ADGRL3: variants seen among roughly 807,000 people sequenced by gnomAD.
ADGRL3 encodes the protein calcium-independent alpha-latrotoxin receptor 3.
In ADGRL3, 62 loss-of-function variants were observed where a neutral mutation model predicts 153.5. The observed-to-expected ratio is 0.40, with a 90% CI of 0.33 to 0.50. The LOEUF (loss-of-function observed/expected upper bound fraction) is 0.50, where lower values mean the gene tolerates loss of function less well. Ranked by LOEUF, ADGRL3 falls within the 20% of genes least tolerant of loss-of-function variation. The probability of loss-of-function intolerance (pLI) is 0.47; values close to 1 mark genes in which losing one functional copy is unlikely to be tolerated. For missense variants in ADGRL3, 1,641 were observed against 1,859.4 expected, an observed-to-expected ratio of 0.88 and a Z score of 2.16; for synonymous variants, 710 against 672.5, an observed-to-expected ratio of 1.06 and a Z score of -0.86.
intron 1 of ADGRL3, among the ~76,000 whole-genome samples, chr4:61,293,696 A>C (rs2094307423): frequency 6.6e-6 from 1 of 152,196 alleles, no homozygotes; most frequent in African/African-American, 2.4e-5. Flanking sequence ...AAAGCATAGA[A>C]TATTTGTAAA....
chr4:61,921,133 T>A (rs2149978348), intron 13 of ADGRL3, among the ~76,000 whole-genome samples: 1 of 152,118 alleles, frequency 6.6e-6, no homozygotes, highest in Non-Finnish European at 1.5e-5. Context: ...ATTAATCATT[T>A]TGTCTAAAAA....
intron 1 of ADGRL3, among the ~76,000 whole-genome samples, chr4:61,372,970 G>T (rs185175903): frequency 6.6e-6 from 1 of 152,154 alleles, no homozygotes. Flanking sequence ...CGCAGTATTC[G>T]GGTGGGAGTG....
At chr4:62,009,998 G>C (rs2099176895) in intron 21 of ADGRL3, among the ~76,000 whole-genome samples, 2 of 152,032 alleles carry the variant, frequency 1.3e-5, no homozygotes, top group South Asian at 4.2e-4. Flanking sequence ...AGATGCACAG[G>C]GCAAGGTATG....
chr4:61,234,183 G>A (rs1156831215), intron 1 of ADGRL3, among the ~76,000 whole-genome samples: 1 of 151,982 alleles, frequency 6.6e-6, no homozygotes, highest in African/African-American at 2.4e-5. Context: ...AACTGAGACT[G>A]GGAAGAAAAA....
chr4:61,463,897 G>A lies in ADGRL3; in HGVS notation c.-173-33224G>A, dbSNP rs557904336. 3.3e-5 allele frequency among the ~76,000 whole-genome samples: 5 copies of A among 152,196 alleles called. No individual in the cohort carries two copies. The South Asian group carries it at 1.0e-3, about 32-fold the overall frequency. On this transcript the variant is annotated intron_variant, in intron 2 of 26. Coordinates refer to ENST00000683033, the MANE Select transcript of ADGRL3 (RefSeq NM_001387552.1). ...GGAAGTAGCTGGTACATACTTGAAG[G>A]TGTGTTTGTGCATTTTGTGTATTTT...
intron 9 of ADGRL3, among the ~76,000 whole-genome samples, chr4:61,871,564 G>A (rs2098445724): frequency 6.6e-6 from 1 of 152,076 alleles, no homozygotes; most frequent in South Asian, 2.1e-4. Context: ...CTCTAGACCA[G>A]GAAAATCCAT....
chr4:61,287,641 A>G (rs2093991779), intron 1 of ADGRL3, among the ~76,000 whole-genome samples: 3 of 151,952 alleles, frequency 2.0e-5, no homozygotes, highest in Non-Finnish European at 4.4e-5. Context: ...GATAGAAAGG[A>G]GAAAAGCTGC....
At chr4:61,743,067 T>C (rs1561159967) in intron 8 of ADGRL3, among the ~76,000 whole-genome samples, 1 of 151,650 alleles carries the variant, frequency 6.6e-6, no homozygotes, top group Non-Finnish European at 1.5e-5. Flanking sequence ...ATGCCTGTAA[T>C]TCCAGCACTT....
At chr4:61,516,225 GCAC>G (rs1367251433) in intron 3 of ADGRL3, among the ~76,000 whole-genome samples, 1 of 151,892 alleles carries the variant, frequency 6.6e-6, no homozygotes, top group African/African-American at 2.4e-5. Flanking sequence ...AGAAATTATG[GCAC>G]CACTGTATAA....
In ADGRL3 at chr4:61,936,040, G is replaced by A. The variant is rs770571932; in HGVS notation, c.2414G>A (p.Arg805Gln). 3.7e-6 allele frequency: 6 copies of A among 1,610,324 alleles called. No homozygotes were observed. The highest frequency in any genetic ancestry group is 2.2e-5 in the South Asian group (2 of 90,264). The change falls in exon 15 of 27, where the codon CGA (arginine) becomes CAA (glutamine). Residue 805 changes from arginine to glutamine, a missense_variant. Transcript: ENST00000683033. ...GCAAATACCTTAAAGCAAAATGGCCGAAATGGTAGGTTAGAGTTTATTTTT... is the reference window on the plus strand; with the variant it reads ...GCAAATACCTTAAAGCAAAATGGCCAAAATGGTAGGTTAGAGTTTATTTTT... ...LSANTLKQNG[R>Q]NGEIRVAFVL...
At chr4:61,537,039 A>G (rs1466912325) in intron 4 of ADGRL3, among the ~76,000 whole-genome samples, 1 of 152,112 alleles carries the variant, frequency 6.6e-6, no homozygotes, top group African/African-American at 2.4e-5. Context: ...TTCCACGTTT[A>G]GAACTCCTTT....
intron 2 of ADGRL3, among the ~76,000 whole-genome samples, chr4:61,473,807 A>G (rs1196271352): frequency 6.6e-6 from 1 of 152,102 alleles, no homozygotes; most frequent in Non-Finnish European, 1.5e-5. Flanking sequence ...TTTTAGCACA[A>G]TTTAGATAAG....
At chr4:61,753,700 T>C (rs1240729879) in intron 8 of ADGRL3, among the ~76,000 whole-genome samples, 1 of 152,228 alleles carries the variant, frequency 6.6e-6, no homozygotes, top group Non-Finnish European at 1.5e-5. Context: ...TGAAATAATA[T>C]TGGAATAATT....
In ADGRL3 at chr4:62,070,548, C is replaced by A. The variant is rs751606535; in HGVS notation, c.4272C>A (p.Ile1424=). The change falls in exon 27 of 27, where the codon ATC becomes ATA. Residue 1424 remains isoleucine, a synonymous_variant. Transcript: ENST00000683033. ...HQPHHYTRRR[I]PQDHSESFFP... ...CACACCATTATACCAGAAGGCGGAT[C>A]CCCCAAGACCACAGTGAGAGCTTTT... The A allele has an allele frequency of 6.4e-7, 1 of 1,550,756 alleles. No individual in the cohort carries two copies. Among genetic ancestry groups the A allele is most frequent in the Non-Finnish European group, 8.7e-7 (1 of 1,146,856 alleles).
chr4:61,750,160 A>C lies in ADGRL3; in HGVS notation c.1399+16606A>C, dbSNP rs1157686865. 5.6e-5 allele frequency among the ~76,000 whole-genome samples: 8 copies of C among 142,332 alleles called. No individual in the cohort carries two copies. In the East Asian group the frequency reaches 1.8e-3, roughly 31 times the overall value. 93.4% of individuals were successfully genotyped at this position (142,332 alleles called of 152,430 possible). A position where few individuals can be genotyped will look rare whatever the true frequency, so the allele number is the denominator to read the frequency against. Reference sequence around the variant, plus strand: ...TACAGTCTATTGAAAACAAATTGAGAAGAAAGAAAAAAGGGGATGGTTAAA... The same window carrying C: ...TACAGTCTATTGAAAACAAATTGAGCAGAAAGAAAAAAGGGGATGGTTAAA... On this transcript the variant is annotated intron_variant, in intron 8 of 26. Coordinates refer to ENST00000683033, the MANE Select transcript of ADGRL3 (RefSeq NM_001387552.1).
chr4:61,948,012 A>G lies in ADGRL3; in HGVS notation c.2629-88A>G, dbSNP rs534169889. 3.6e-5 allele frequency: 38 copies of G among 1,062,600 alleles called. No homozygotes were observed. In the East Asian group the frequency reaches 9.1e-4, roughly 25 times the overall value. 65.8% of individuals were successfully genotyped at this position (1,062,600 alleles called of 1,614,324 possible). A position where few individuals can be genotyped will look rare whatever the true frequency, so the allele number is the denominator to read the frequency against. On this transcript the variant is annotated intron_variant, in intron 16 of 26. Transcript: ENST00000683033. ...CTCTAAAAAATTGGAACAGAATATG[A>G]AGTTGTATTATATGTAAAGAAAATG...
chr4:61,516,556 G>A (rs1430487936), intron 3 of ADGRL3, among the ~76,000 whole-genome samples: 1 of 151,868 alleles, frequency 6.6e-6, no homozygotes. Flanking sequence ...TAAAATGCAT[G>A]GGTGTTTTCT....
rs139614481 is a variant in ADGRL3, at chr4:62,076,275, T to G, written c.*5367T>G. On this transcript the variant is annotated 3_prime_UTR_variant, in exon 27 of 27. Transcript: ENST00000683033. ...GATGTTTCTTTTTCTCTTAATAGTA[T>G]GTCAAAAGCATTGTTCTCATTTGAT... 14 of 152,230 alleles carry G rather than the reference T, an allele frequency of 9.2e-5. No homozygotes were observed. The East Asian group carries it at 2.7e-3, about 29-fold the overall frequency. The allele number at this position is 152,230 out of a possible 1,614,324, so 9.4% of individuals were successfully genotyped here.
At chr4:61,614,361 G>T (rs2091752758) in intron 5 of ADGRL3, among the ~76,000 whole-genome samples, 1 of 152,126 alleles carries the variant, frequency 6.6e-6, no homozygotes, top group Admixed American at 6.6e-5. Flanking sequence ...ATCTTCTTAA[G>T]CAATTGCTGA....
Sources: allele counts gnomAD v4.1 joint callset (sites outside exome capture counted in the v4.1 genomes callset), GRCh38; gene constraint gnomAD v4.1.1; transcripts MANE v1.5; gene names NCBI Gene and HGNC (gene_info 2026-07-23, HGNC 2026-07-21).